The following ARAP2 variants were observed in gnomAD, a reference collection of about 807,000 sequenced individuals.
ARAP2 encodes the protein ArfGAP with RhoGAP domain, ankyrin repeat and PH domain 2.
In ARAP2, 148 loss-of-function variants were observed where a neutral mutation model predicts 194.5. The ratio of observed to expected loss-of-function variants is 0.76; its 90% CI spans 0.67 to 0.87. ARAP2 has a LOEUF of 0.87. Among genes scored for constraint, ARAP2 ranks in the 40% least tolerant of loss-of-function variants. ARAP2 has a pLI of 0.00. For synonymous variants in ARAP2, 695 were observed against 683.5 expected, an observed-to-expected ratio of 1.02 and a Z score of -0.26; for missense variants, 2,128 against 1,989.7, an observed-to-expected ratio of 1.07 and a Z score of -1.32.
intron 19 of ARAP2, among the ~76,000 whole-genome samples, chr4:36,141,435 G>C (rs1043949664): frequency 6.6e-6 from 1 of 151,612 alleles, no homozygotes; most frequent in Non-Finnish European, 1.5e-5. Flanking sequence ...GAGCTTTTTA[G>C]AGCAAAAATG....
chr4:36,082,899 T>C (rs193230579), intron 29 of ARAP2, among the ~76,000 whole-genome samples: 250 of 151,920 alleles, frequency 1.6e-3, no homozygotes, highest in African/African-American at 5.8e-3. Context: ...CTATGATGGG[T>C]TTTCAGTACC....
At chr4:36,177,086 T>C (rs961459664) in intron 9 of ARAP2, among the ~76,000 whole-genome samples, 1 of 151,072 alleles carries the variant, frequency 6.6e-6, no homozygotes, top group Non-Finnish European at 1.5e-5. Context: ...TAAAAACATA[T>C]ACATATTAAA....
At chr4:36,070,637 T>C (rs1726622314) in intron 32 of ARAP2, among the ~76,000 whole-genome samples, 1 of 152,144 alleles carries the variant, frequency 6.6e-6, no homozygotes, top group Admixed American at 6.6e-5. Context: ...TTCCATTAAA[T>C]CCAGAGGCAA....
intron 9 of ARAP2, among the ~76,000 whole-genome samples, chr4:36,009,265 T>A (rs1201241648): frequency 2.0e-5 from 3 of 152,120 alleles, no homozygotes; most frequent in Non-Finnish European, 4.4e-5. Flanking sequence ...TTATTCACAA[T>A]AACAAATACA....
At chr4:36,092,972 T>C (rs1362134268) in intron 27 of ARAP2, among the ~76,000 whole-genome samples, 2 of 152,118 alleles carry the variant, frequency 1.3e-5, no homozygotes, top group East Asian at 1.9e-4. Context: ...CCATCAATGA[T>C]AGACTGAATA....
chr4:36,050,540 A>C (rs1247859293), intron 3 of ARAP2, among the ~76,000 whole-genome samples: 1 of 152,218 alleles, frequency 6.6e-6, no homozygotes, highest in Non-Finnish European at 1.5e-5. Flanking sequence ...CTAATCTAAG[A>C]AGCTGCTCTG....
At chr4:36,137,856 T>C (rs902215729) in intron 19 of ARAP2, among the ~76,000 whole-genome samples, 1 of 151,790 alleles carries the variant, frequency 6.6e-6, no homozygotes, top group African/African-American at 2.4e-5. Flanking sequence ...TGTGTATTTC[T>C]GTTGCCTTTC....
intron 1 of ARAP2, among the ~76,000 whole-genome samples, chr4:36,232,958 A>G (rs1413711693): frequency 1.3e-5 from 2 of 152,204 alleles, no homozygotes; most frequent in Admixed American, 6.5e-5. Flanking sequence ...TAGGTGGTCA[A>G]ATCAAAGAAA....
At chr4:36,149,290 C>A (rs1305257688) in intron 16 of ARAP2, among the ~76,000 whole-genome samples, 3 of 149,686 alleles carry the variant, frequency 2.0e-5, no homozygotes, top group Non-Finnish European at 4.5e-5. Context: ...ACTTGTTCTT[C>A]CCCTTAACAT....
chr4:36,044,727 T>G (rs1018358985), intron 5 of ARAP2, among the ~76,000 whole-genome samples: 1 of 152,046 alleles, frequency 6.6e-6, no homozygotes, highest in Non-Finnish European at 1.5e-5. Context: ...AGGTTTTGTA[T>G]AGCAAAGTAA....
In ARAP2 at chr4:36,213,206, T is replaced by G. The variant is rs374856623; in HGVS notation, c.1041+37A>C. ...TACAAATAGGCAGAAAAGCAAATAATTGATTATGGAAAACAATTAAAATGT... is the reference window on the plus strand; with the variant it reads ...TACAAATAGGCAGAAAAGCAAATAAGTGATTATGGAAAACAATTAAAATGT... On this transcript the variant is annotated intron_variant, in intron 4 of 32. Transcript: ENST00000303965. 3.5e-6 allele frequency: 5 copies of G among 1,408,770 alleles called. No homozygotes were observed. The African/African-American group carries it at 7.2e-5, about 20-fold the overall frequency. 87.3% of individuals were successfully genotyped at this position (1,408,770 alleles called of 1,614,324 possible).
chr4:36,205,391 G>A (rs932505883), intron 6 of ARAP2, among the ~76,000 whole-genome samples: 1 of 152,114 alleles, frequency 6.6e-6, no homozygotes, highest in East Asian at 1.9e-4. Flanking sequence ...CTTATGAAGA[G>A]GTTGGAGGTA....
Position 36,145,817 on chromosome 4 carries a change from C to T in ARAP2, c.3263+1479G>A, listed in dbSNP as rs73125341. Reference sequence around the variant, plus strand: ...GGGGGACCTCCGGCTATGTCTTCAACTCTCTTTTCTAGCTATACTCTCCAT... The same window carrying T: ...GGGGGACCTCCGGCTATGTCTTCAATTCTCTTTTCTAGCTATACTCTCCAT... On this transcript the variant is annotated intron_variant, in intron 19 of 32. Transcript: ENST00000303965. 7.1e-3 allele frequency among the ~76,000 whole-genome samples: 1,078 copies of T among 152,060 alleles called. 16 individuals are homozygous for T. Among genetic ancestry groups the T allele is most frequent in the African/African-American group, 0.025 (1,021 of 41,532 alleles).
chr4:36,220,980 C>T (rs1749047362), intron 2 of ARAP2, among the ~76,000 whole-genome samples: 1 of 152,106 alleles, frequency 6.6e-6, no homozygotes, highest in East Asian at 1.9e-4. Context: ...GCTTCACCTT[C>T]ACTCATCACT....
At chr4:36,213,659 T>C (rs1018451178) in intron 3 of ARAP2, among the ~76,000 whole-genome samples, 4 of 152,130 alleles carry the variant, frequency 2.6e-5, no homozygotes, top group Non-Finnish European at 4.4e-5. Flanking sequence ...CCATTTATAA[T>C]GCTAATTCCT....
rs193254940 is a variant in ARAP2 at position 36,106,297 on chromosome 4, G to A, written c.4285+1268C>T. On this transcript the variant is annotated intron_variant, in intron 27 of 32. Transcript: ENST00000303965. The stretch of plus-strand genomic sequence containing the variant: ...AGGCAGTATATGGTCAGAATCATAT[G>A]TAAGAGCATGAAAAAATTTCAAACA... Among the ~76,000 whole-genome samples the A allele has an allele frequency of 7.3e-3, 1,112 of 152,040 alleles. 10 individuals are homozygous for A. Among genetic ancestry groups the A allele is most frequent in the Non-Finnish European group, 0.011 (778 of 67,924 alleles).
At chr4:36,032,529 GT>G (rs1719158858) in intron 5 of ARAP2, among the ~76,000 whole-genome samples, 1 of 152,142 alleles carries the variant, frequency 6.6e-6, no homozygotes, top group Non-Finnish European at 1.5e-5. Flanking sequence ...ATAGAAGAGA[GT>G]TAATATAATT....
At position 36,027,323 on chromosome 4, in the gene ARAP2, A is replaced by T. The variant is rs1366247421; in HGVS notation, n.608-8037T>A. On this transcript the variant is annotated intron_variant and non_coding_transcript_variant, in intron 5 of 12. Transcript: ENST00000503225. ...TGGTGAAGGTGAGATTCTAACCTAA[A>T]TCCATCTAAGCCCGTGCTCCTGGCT... 2.0e-5 allele frequency among the ~76,000 whole-genome samples: 3 copies of T among 151,942 alleles called. No individual in the cohort carries two copies. The East Asian group carries it at 5.8e-4, about 29-fold the overall frequency.
rs1553861946 is a variant in ARAP2, at chr4:36,014,324, G to GATAA, written n.1056+1061_1056+1062insTTAT. Among the ~76,000 whole-genome samples, 105 of 109,858 alleles carry GATAA rather than the reference G, an allele frequency of 9.6e-4. 1 individual carries two copies. The highest frequency in any genetic ancestry group is 4.4e-3 in the African/African-American group (103 of 23,594). The allele number at this position is 109,858 out of a possible 152,430, so 72.1% of individuals were successfully genotyped here. Reference sequence around the variant, plus strand: ...AGAGAAGGAAGGAAAGAAAGAAAGAGAGAAAGAAAGAAAGAAAGAAAGAAA... The same window carrying GATAA: ...AGAGAAGGAAGGAAAGAAAGAAAGAGATAAAGAAAGAAAGAAAGAAAGAAAGAAA... On this transcript the variant is annotated intron_variant and non_coding_transcript_variant, in intron 8 of 12. Coordinates refer to the ARAP2 transcript ENST00000503225.
Sources: gnomAD v4.1 joint callset for allele counts (sites outside exome capture counted in the v4.1 genomes callset) on GRCh38, gnomAD v4.1.1 for gene constraint, MANE v1.5 for transcripts, NCBI Gene and HGNC (gene_info 2026-07-23, HGNC 2026-07-21) for gene names.